Variants in SIM1 observed in about 807,000 individuals in gnomAD.
SIM1 encodes the protein SIM bHLH transcription factor 1.
A neutral mutation model predicts 78.2 loss-of-function variants in SIM1; 18 were observed. The ratio of observed to expected loss-of-function variants is 0.23; its 90% CI spans 0.16 to 0.34. The LOEUF is 0.34. SIM1 is among the 10% of genes least tolerant of loss of function. The pLI, the probability that SIM1 is intolerant of heterozygous loss-of-function variation, is 1.00. For missense variants in SIM1, 939 were observed against 975.1 expected, an observed-to-expected ratio of 0.96 and a Z score of 0.49; for synonymous variants, 417 against 385.2, an observed-to-expected ratio of 1.08 and a Z score of -0.97.
rs533734204 is a variant in SIM1 at position 100,463,725 on chromosome 6, G to A, written c.-257C>T. On this transcript the variant is annotated 5_prime_UTR_variant, in exon 2 of 12. Coordinates refer to ENST00000369208, the MANE Select transcript of SIM1 (RefSeq NM_005068.3). Reference sequence around the variant, plus strand: ...ATCCACCGAATTTGGGCGATCCACCGAATTTGGGCAATCCTGAGGGTCGTT... The same window carrying A: ...ATCCACCGAATTTGGGCGATCCACCAAATTTGGGCAATCCTGAGGGTCGTT... 5.4e-5 allele frequency: 19 copies of A among 353,400 alleles called. No homozygotes were observed. The highest frequency in any genetic ancestry group is 3.4e-4 in the Admixed American group (8 of 23,836). The allele number at this position is 353,400 out of a possible 1,614,324, so 21.9% of individuals were successfully genotyped here. A position where few individuals can be genotyped will look rare whatever the true frequency, so the allele number is the denominator to read the frequency against.
intron 2 of SIM1, among the ~76,000 whole-genome samples, chr6:100,455,829 C>T (rs1490449163): frequency 6.6e-6 from 1 of 152,174 alleles, no homozygotes; most frequent in Non-Finnish European, 1.5e-5. Flanking sequence ...TGGAAGACAC[C>T]CCGAAGCGGC....
chr6:100,456,492 C>G (rs566530786), intron 2 of SIM1, among the ~76,000 whole-genome samples: 1 of 152,298 alleles, frequency 6.6e-6, no homozygotes, highest in East Asian at 1.9e-4. Flanking sequence ...TCGGCGAGGC[C>G]GAGGGAACGG....
chr6:100,390,454 G>C lies in SIM1; in HGVS notation c.2208C>G (p.Gly736=). 6.2e-7 allele frequency: 1 copy of C among 1,614,124 alleles called. No individual in the cohort carries two copies. Among genetic ancestry groups the C allele is most frequent in the South Asian group, 1.1e-5 (1 of 91,082 alleles). The change falls in exon 12 of 12, where the codon GGC becomes GGG. Residue 736 remains glycine (G), a synonymous_variant. Transcript: ENST00000369208. ...GATGGGAAGTTACATCAAAGTGTGA[G>C]CCATTACAGCCCAAGGAATAGTTTC... ...TIRNYSLGCN[G]SHFDVTSHLR... is the part of the protein sequence containing the mutation.
chr6:100,463,044 C>A, intron 2 of SIM1: 1 of 411,692 alleles, frequency 2.4e-6, no homozygotes, highest in Non-Finnish European at 4.3e-6. Context: ...GACTGTTGGG[C>A]TGCTTCCCAA....
chr6:100,425,145 T>C (rs901631160), intron 9 of SIM1, among the ~76,000 whole-genome samples: 3 of 152,140 alleles, frequency 2.0e-5, no homozygotes, highest in African/African-American at 7.2e-5. Flanking sequence ...ATTTCTGCTT[T>C]TGCTTCTTCC....
At chr6:100,421,186 C>T (rs911770513) in intron 9 of SIM1, among the ~76,000 whole-genome samples, 1 of 152,106 alleles carries the variant, frequency 6.6e-6, no homozygotes, top group Non-Finnish European at 1.5e-5. Context: ...AAAATAAACA[C>T]ATAATTCAAA....
At position 100,387,879 on chromosome 6, in the gene SIM1, A is replaced by C. The variant is rs1168299465; in HGVS notation, c.*2482T>G. 6.6e-6 allele frequency: 1 copy of C among 152,032 alleles called. No individual in the cohort carries two copies. The highest frequency in any genetic ancestry group is 1.5e-5 in the Non-Finnish European group (1 of 67,962). The allele number at this position is 152,032 out of a possible 1,614,324, so 9.4% of individuals were successfully genotyped here. On this transcript the variant is annotated 3_prime_UTR_variant, in exon 12 of 12. Coordinates refer to ENST00000369208, the MANE Select transcript of SIM1 (RefSeq NM_005068.3). ...TATCAGTTCATTTTCCCTGGTTCTT[A>C]AGTTTCCATTTCTTTTAGCTTCTGT...
At chr6:100,392,440 A>C (rs1770665503) in intron 11 of SIM1, among the ~76,000 whole-genome samples, 1 of 152,182 alleles carries the variant, frequency 6.6e-6, no homozygotes, top group Admixed American at 6.5e-5. Context: ...TTTATTTCTA[A>C]TATTTTCTTC....
chr6:100,400,088 A>T (rs957623835), intron 10 of SIM1, among the ~76,000 whole-genome samples: 3 of 152,072 alleles, frequency 2.0e-5, no homozygotes, highest in Non-Finnish European at 4.4e-5. Context: ...TTATGCACCA[A>T]ATAACATTGC....
chr6:100,430,023 T>G (rs893665916), intron 9 of SIM1, among the ~76,000 whole-genome samples: 1 of 152,188 alleles, frequency 6.6e-6, no homozygotes, highest in African/African-American at 2.4e-5. Context: ...GTGAGCTATA[T>G]GACTTTCTGT....
At chr6:100,424,610 T>A (rs1378648698) in intron 9 of SIM1, among the ~76,000 whole-genome samples, 2 of 151,920 alleles carry the variant, frequency 1.3e-5, no homozygotes, top group African/African-American at 4.8e-5. Flanking sequence ...TGATTTTTTT[T>A]TTTTATTTTT....
intron 10 of SIM1, among the ~76,000 whole-genome samples, chr6:100,411,559 T>C (rs964182548): frequency 3.9e-5 from 6 of 152,228 alleles, no homozygotes; most frequent in Admixed American, 2.0e-4. Context: ...GGGGTTTTTA[T>C]ATCTCCACAG....
chr6:100,391,240 T>A, intron 11 of SIM1, 149 bp from the exon 12 acceptor site: 1 of 811,212 alleles, frequency 1.2e-6, no homozygotes, highest in Non-Finnish European at 1.8e-6. Flanking sequence ...TGTGAGCACA[T>A]GAGTGACACA....
At chr6:100,415,718 T>A (rs1771381077) in intron 10 of SIM1, among the ~76,000 whole-genome samples, 1 of 152,184 alleles carries the variant, frequency 6.6e-6, no homozygotes, top group South Asian at 2.1e-4. Flanking sequence ...AGCACCATCA[T>A]CTCGGACAAA....
At chr6:100,429,589 G>A (rs1237779583) in intron 9 of SIM1, among the ~76,000 whole-genome samples, 1 of 152,012 alleles carries the variant, frequency 6.6e-6, no homozygotes, top group South Asian at 2.1e-4. Flanking sequence ...GACATGTACT[G>A]TATATGCATA....
intron 10 of SIM1, among the ~76,000 whole-genome samples, chr6:100,400,409 T>G (rs893371978): frequency 6.6e-6 from 1 of 151,792 alleles, no homozygotes. Flanking sequence ...CAACACCCTC[T>G]GATCACAATG....
Position 100,385,249 on chromosome 6 carries a change from G to A in SIM1, c.*5112C>T, listed in dbSNP as rs564588120. ...CACTAAAAACTATACATTGCAAGACGGTATTTGAAATATTGGCGATCAGTA... is the reference window on the plus strand; with the variant it reads ...CACTAAAAACTATACATTGCAAGACAGTATTTGAAATATTGGCGATCAGTA... On this transcript the variant is annotated 3_prime_UTR_variant, in exon 12 of 12. Coordinates refer to ENST00000369208, the MANE Select transcript of SIM1 (RefSeq NM_005068.3). 6 of 151,804 alleles carry A rather than the reference G, an allele frequency of 4.0e-5. No individual in the cohort carries two copies. Among genetic ancestry groups the A allele is most frequent in the Non-Finnish European group, 5.9e-5 (4 of 67,880 alleles). The allele number at this position is 151,804 out of a possible 1,614,324, so 9.4% of individuals were successfully genotyped here. A position where few individuals can be genotyped will look rare whatever the true frequency, so the allele number is the denominator to read the frequency against.
intron 9 of SIM1, among the ~76,000 whole-genome samples, chr6:100,444,961 G>A (rs529317570): frequency 2.8e-4 from 43 of 152,262 alleles, no homozygotes; most frequent in African/African-American, 9.6e-4. Context: ...TTGGGAGCTT[G>A]TGGTTTTAAG....
chr6:100,403,100 T>C lies in SIM1; in HGVS notation c.1168-9211A>G, dbSNP rs73760885. On this transcript the variant is annotated intron_variant, in intron 10 of 11. Transcript: ENST00000369208. ...TTAGAAAATTTTTTGTCATTCTGAA[T>C]ACTGTGCACCTTAATTTACCTCAAT... 9.8e-3 allele frequency among the ~76,000 whole-genome samples: 1,487 copies of C among 152,366 alleles called. 26 individuals are homozygous for C. The highest frequency in any genetic ancestry group is 0.034 in the African/African-American group (1,413 of 41,582).
Sources: allele counts gnomAD v4.1 joint callset (sites outside exome capture counted in the v4.1 genomes callset), GRCh38; gene constraint gnomAD v4.1.1; transcripts MANE v1.5; gene names NCBI Gene and HGNC (gene_info 2026-07-23, HGNC 2026-07-21).